Variants in KANK1 observed in about 807,000 individuals in gnomAD.
The protein encoded by KANK1 is KN motif and ankyrin repeat domains 1.
A neutral mutation model predicts 106.2 loss-of-function variants in KANK1; 109 were observed. The ratio of observed to expected loss-of-function variants is 1.03; its 90% confidence interval spans 0.88 to 1.20. KANK1 has a LOEUF of 1.20. Among genes scored for constraint, KANK1 ranks in the 50% most tolerant of loss-of-function variants. The probability of loss-of-function intolerance (pLI) is 0.00; values close to 1 mark genes in which losing one functional copy is unlikely to be tolerated. For missense variants in KANK1, 2,399 were observed against 1,710.7 expected (o/e 1.40, Z -7.10); for synonymous variants, 873 against 652.2 (o/e 1.34, Z -5.16).
intron 1 of KANK1, among the ~76,000 whole-genome samples, chr9:601,120 T>C (rs1211965473): frequency 2.0e-5 from 3 of 151,872 alleles, no homozygotes; most frequent in African/African-American, 7.3e-5. Context: ...AAACTTTTTA[T>C]TTTGAAATAA....
chr9:514,667 T>C (rs1336187025), intron 1 of KANK1, among the ~76,000 whole-genome samples: 1 of 151,770 alleles, frequency 6.6e-6, no homozygotes, highest in Non-Finnish European at 1.5e-5. Context: ...TGTTCCATCA[T>C]GTGAATATAC....
At chr9:590,280 G>C (rs1204581283) in intron 1 of KANK1, among the ~76,000 whole-genome samples, 1 of 151,838 alleles carries the variant, frequency 6.6e-6, no homozygotes, top group Non-Finnish European at 1.5e-5. Context: ...TATAGTCAGG[G>C]AGGTGAAGTG....
intron 2 of KANK1, chr9:471,480 C>G (rs1460267223): frequency 6.6e-6 from 1 of 152,246 alleles, no homozygotes; most frequent in African/African-American, 2.4e-5. Flanking sequence ...CCATGTGGGA[C>G]TCCCTCCTTA....
chr9:520,914 G>A (rs1157696375), intron 1 of KANK1, among the ~76,000 whole-genome samples: 1 of 151,714 alleles, frequency 6.6e-6, no homozygotes, highest in African/African-American at 2.4e-5. Flanking sequence ...CTATTGGTCA[G>A]ATGATTTTTG....
chr9:509,426 A>G (rs1041301834), intron 1 of KANK1, among the ~76,000 whole-genome samples: 9 of 152,166 alleles, frequency 5.9e-5, no homozygotes, highest in Non-Finnish European at 1.2e-4. Context: ...TAGCAGACTA[A>G]TTATTTGTTG....
chr9:478,176 T>C, intron 3 of KANK1: 1 of 177,306 alleles, frequency 5.6e-6, no homozygotes, highest in Non-Finnish European at 1.2e-5. Flanking sequence ...TTCATGACAC[T>C]GTCAAGATTG....
At chr9:724,715 T>G (rs1830230871) in intron 3 of KANK1, among the ~76,000 whole-genome samples, 1 of 151,776 alleles carries the variant, frequency 6.6e-6, no homozygotes, top group African/African-American at 2.4e-5. Context: ...AGCAGGAGAA[T>G]CACTTGAACC....
At position 512,249 on chromosome 9, in the gene KANK1, G is replaced by GTGTGTGTATA. The variant is rs370159663; in HGVS notation, c.-84+7496_-84+7497insGTGTGTATAT. Among the ~76,000 whole-genome samples the GTGTGTGTATA allele has an allele frequency of 2.7e-4, 41 of 149,610 alleles. 1 individual carries two copies. Among genetic ancestry groups the GTGTGTGTATA allele is most frequent in the African/African-American group, 6.2e-4 (25 of 40,078 alleles). ...ACCAATAGTGTGTGTGTGTGTGTGT[G>GTGTGTGTATA]TATGTATATACACACACACAAGATT... is the stretch of plus-strand genomic sequence containing the variant. On this transcript the variant is annotated intron_variant, in intron 1 of 11. Coordinates refer to ENST00000382297, the MANE Select transcript of KANK1 (RefSeq NM_015158.5).
In KANK1 at chr9:544,333, CTTA is replaced by C; in HGVS notation, c.-84+39581_-84+39583del. Among the ~76,000 whole-genome samples, 2 of 152,272 alleles carry C rather than the reference CTTA, an allele frequency of 1.3e-5. 1 individual carries two copies. The highest frequency in any genetic ancestry group is 6.8e-3 in the Middle Eastern group (2 of 294). ...CCACTGCACCTGGCCCTGTTAACTT[CTTA>C]TGTCATTTCCCCACTTTAATATATT... On this transcript the variant is annotated intron_variant, in intron 1 of 11. Coordinates refer to ENST00000382297, the MANE Select transcript of KANK1 (RefSeq NM_015158.5).
At chr9:529,383 T>C (rs914817433) in intron 1 of KANK1, among the ~76,000 whole-genome samples, 2 of 151,686 alleles carry the variant, frequency 1.3e-5, no homozygotes, top group East Asian at 1.9e-4. Flanking sequence ...GTATTTTCAG[T>C]AGAGATGGGC....
chr9:565,905 T>C (rs1256109322), intron 1 of KANK1, among the ~76,000 whole-genome samples: 2 of 152,224 alleles, frequency 1.3e-5, no homozygotes, highest in African/African-American at 4.8e-5. Context: ...TGTGCAGGTT[T>C]GTTAATATGG....
At chr9:483,496 A>G (rs566408093) in intron 3 of KANK1, among the ~76,000 whole-genome samples, 138 of 152,320 alleles carry the variant, frequency 9.1e-4, no homozygotes, top group African/African-American at 3.1e-3. Context: ...CTGTTACCAT[A>G]GGCCAGCTAT....
chr9:674,591 C>A (rs1177051727), intron 1 of KANK1, among the ~76,000 whole-genome samples: 5 of 152,014 alleles, frequency 3.3e-5, no homozygotes, highest in Non-Finnish European at 7.4e-5. Context: ...TATTTCTGAC[C>A]CCTTATAATC....
intron 1 of KANK1, among the ~76,000 whole-genome samples, chr9:568,583 G>C (rs969148741): frequency 2.0e-5 from 3 of 152,112 alleles, no homozygotes; most frequent in African/African-American, 7.2e-5. Flanking sequence ...TCAAACTCCT[G>C]GGCTCAAGCT....
chr9:588,219 T>G (rs746580996), intron 1 of KANK1, among the ~76,000 whole-genome samples: 4 of 152,238 alleles, frequency 2.6e-5, no homozygotes, highest in African/African-American at 4.8e-5. Context: ...AATGCTTATT[T>G]CTTTTTTCTA....
chr9:687,039 T>TC (rs1818746825), intron 2 of KANK1: 15 of 578,166 alleles, frequency 2.6e-5, no homozygotes, highest in Middle Eastern at 8.5e-4. Flanking sequence ...TCTTTTCTTT[T>TC]TTTTTAATAC....
At chr9:532,433 A>G (rs1360873787) in intron 1 of KANK1, among the ~76,000 whole-genome samples, 1 of 120,114 alleles carries the variant, frequency 8.3e-6, no homozygotes, top group Non-Finnish European at 1.7e-5. Context: ...GATGTTAAGT[A>G]TGTTTACATT....
chr9:715,600 A>G lies in KANK1; in HGVS notation c.2698+2136A>G, dbSNP rs144927514. Among the ~76,000 whole-genome samples the G allele has an allele frequency of 2.4e-3, 369 of 152,346 alleles. 2 individuals carry two copies. The highest frequency in any genetic ancestry group is 4.5e-3 in the Non-Finnish European group (306 of 68,032). On this transcript the variant is annotated intron_variant, in intron 3 of 11. Transcript: ENST00000382297. ...TGACATGCCACACATCACTGGTTAG[A>G]TCCAACCCTGCTAACAAACACCTAA...
chr9:718,507 C>T (rs555299489), intron 3 of KANK1, among the ~76,000 whole-genome samples: 10 of 151,858 alleles, frequency 6.6e-5, no homozygotes, highest in Admixed American at 2.0e-4. Context: ...ACAAGGTCTC[C>T]CCATGTTGCC....
Sources: allele counts gnomAD v4.1 joint callset (sites outside exome capture counted in the v4.1 genomes callset), GRCh38; gene constraint gnomAD v4.1.1; transcripts MANE v1.5; gene names NCBI Gene and HGNC (gene_info 2026-07-23, HGNC 2026-07-21).